GIPC1: variants seen among roughly 807,000 people sequenced by gnomAD.
GIPC1 encodes PDZ domain-containing protein GIPC1.
Under a neutral mutation model 28.5 loss-of-function variants are expected in GIPC1, and 15 were observed. The ratio of observed to expected loss-of-function variants is 0.53; its 90% CI spans 0.35 to 0.81. GIPC1 has a LOEUF of 0.81. Ranked by LOEUF, GIPC1 falls within the 30% of genes least tolerant of loss-of-function variation. The probability of loss-of-function intolerance (pLI) is 0.01; values close to 1 mark genes in which losing one functional copy is unlikely to be tolerated. For synonymous variants in GIPC1, 224 were observed against 206.1 expected (o/e 1.09, Z -0.74); for missense variants, 439 against 481.9 (o/e 0.91, Z 0.83).
intron 3 of GIPC1, 107 bp from the exon 4 acceptor site, chr19:14,483,113 C>T (rs553420435): frequency 2.4e-4 from 176 of 735,954 alleles, no homozygotes; most frequent in South Asian, 3.9e-4. Flanking sequence ...AACAAATTGG[C>T]CTCGGTTGAA....
Position 14,480,501 on chromosome 19 carries a change from G to A in GIPC1, c.475-16C>T, listed in dbSNP as rs752260908. On this transcript the variant is annotated splice_polypyrimidine_tract_variant and intron_variant, in intron 5 of 8. Transcript: ENST00000393033. ...CCTTGATGCGCTGCGGGGGCGGGGA[G>A]TCATCAGCCCTTGGGGCTCTGCCCT... 1.2e-6 allele frequency: 2 copies of A among 1,607,438 alleles called. No individual in the cohort carries two copies.
chr19:14,490,974 CAA>C (rs111731833), intron 3 of GIPC1, among the ~76,000 whole-genome samples: 6 of 113,058 alleles, frequency 5.3e-5, no homozygotes, highest in Admixed American at 9.6e-5. Flanking sequence ...GACTCCATCT[CAA>C]AAAAAAAAAA....
intron 1 of GIPC1, among the ~76,000 whole-genome samples, chr19:14,494,572 ATTTTG>A (rs1363686518): frequency 3.3e-5 from 5 of 152,076 alleles, no homozygotes; most frequent in Non-Finnish European, 7.4e-5. Context: ...AAAAGTAGGG[ATTTTG>A]TTTTGTTCAC....
Position 14,478,867 on chromosome 19 carries a change from G to T in GIPC1, c.769-102C>A. The stretch of plus-strand genomic sequence containing the variant: ...ACCACTTTACATATATTCGTATTTA[G>T]ACCTCAGGACAACCCTGAGAAGGTG... On this transcript the variant is annotated intron_variant, in intron 7 of 8. Coordinates refer to ENST00000393033, the MANE Select transcript of GIPC1 (RefSeq NM_005716.4). The surrounding 1 kb of genome is among the most constrained non-coding windows in gnomAD (Gnocchi z 5.2). 1 of 882,578 alleles carries T rather than the reference G, an allele frequency of 1.1e-6. No individual in the cohort carries two copies. The highest frequency in any genetic ancestry group is 1.9e-6 in the Non-Finnish European group (1 of 525,462). 54.7% of individuals were successfully genotyped at this position (882,578 alleles called of 1,614,324 possible).
intron 3 of GIPC1, among the ~76,000 whole-genome samples, chr19:14,490,683 G>GA (rs981484506): frequency 6.9e-6 from 1 of 144,188 alleles, no homozygotes; most frequent in Non-Finnish European, 1.5e-5. Flanking sequence ...GTCTCAAAAA[G>GA]AAAAAAAAGG....
In GIPC1 at chr19:14,496,032, C is replaced by G. The variant is rs1322013035; in HGVS notation, c.-175+5G>C. 1.3e-5 allele frequency: 3 copies of G among 225,840 alleles called. No individual in the cohort carries two copies. The highest frequency in any genetic ancestry group is 9.0e-5 in the African/African-American group (3 of 33,350). The allele number at this position is 225,840 out of a possible 1,614,324, so 14.0% of individuals were successfully genotyped here. On this transcript the variant is annotated splice_donor_5th_base_variant and intron_variant, in intron 1 of 8. Transcript: ENST00000393033. ...AGACACATCCTTCTCGCAGAGGCCACTCACCTGCTCCGCCGCCGCCGCCGC... is the reference window on the plus strand; with the variant it reads ...AGACACATCCTTCTCGCAGAGGCCAGTCACCTGCTCCGCCGCCGCCGCCGC...
chr19:14,486,072 G>C (rs2071837824), intron 3 of GIPC1, among the ~76,000 whole-genome samples: 1 of 152,048 alleles, frequency 6.6e-6, no homozygotes, highest in South Asian at 2.1e-4. Flanking sequence ...GCCTGGCAAG[G>C]AGGTGATCTT....
intron 3 of GIPC1, among the ~76,000 whole-genome samples, chr19:14,488,764 C>T (rs2146485015): frequency 6.7e-6 from 1 of 148,420 alleles, no homozygotes; most frequent in Middle Eastern, 3.5e-3. Flanking sequence ...CAGAGCGAGA[C>T]TCGGTCTAAA....
At chr19:14,480,532 C>T (rs774384356) in intron 5 of GIPC1, 47 bp from the exon 6 acceptor site, 2 of 1,604,496 alleles carry the variant, frequency 1.2e-6, no homozygotes, top group Non-Finnish European at 1.7e-6. Flanking sequence ...GCCCTGGTTT[C>T]CGGGGTCCCA....
chr19:14,489,240 G>A (rs1268564975), intron 3 of GIPC1: 1 of 623,412 alleles, frequency 1.6e-6, no homozygotes, highest in African/African-American at 1.8e-5. Context: ...GTTTGGATAA[G>A]GTTTGCCCCA....
chr19:14,483,361 CA>C, intron 3 of GIPC1: 1 of 191,386 alleles, frequency 5.2e-6, no homozygotes, highest in Non-Finnish European at 1.1e-5. Flanking sequence ...GAGGCTGAGG[CA>C]CAAGAATAGC....
At chr19:14,489,998 T>G (rs1343131105) in intron 3 of GIPC1, among the ~76,000 whole-genome samples, 3 of 152,032 alleles carry the variant, frequency 2.0e-5, no homozygotes, top group African/African-American at 7.3e-5. Context: ...GGGCCAGATC[T>G]CTCCTGAATG....
intron 7 of GIPC1, 87 bp downstream of exon 7, chr19:14,479,325 C>A (rs1439185489): frequency 5.4e-6 from 3 of 551,208 alleles, no homozygotes; most frequent in Non-Finnish European, 8.7e-6. Context: ...GCACTCCAGC[C>A]TGGGTGACAA....
chr19:14,485,700 TATAGAGAGAGAGAGAG>T (rs1333535070), intron 3 of GIPC1, among the ~76,000 whole-genome samples: 959 of 68,820 alleles, frequency 0.014, 10 homozygotes, highest in African/African-American at 0.018. Context: ...TATATATATA[TATAGAGAGAGAGAGAG>T]AGAGAGAGAG....
At chr19:14,484,758 C>CAA (rs1276045512) in intron 3 of GIPC1, among the ~76,000 whole-genome samples, 4 of 151,572 alleles carry the variant, frequency 2.6e-5, no homozygotes, top group African/African-American at 9.7e-5. Flanking sequence ...AAACAAAAAA[C>CAA]AAAAAACAAA....
In GIPC1 at chr19:14,496,074, GCTGCCT is replaced by G. The variant is rs1367422954; in HGVS notation, c.-218_-213del. On this transcript the variant is annotated 5_prime_UTR_variant, in exon 1 of 9. Coordinates refer to ENST00000393033, the MANE Select transcript of GIPC1 (RefSeq NM_005716.4). ...CGCCGCCGCCGCCGCCGCCGCCGCC[GCTGCCT>G]CCGCCTCCCCGTGCGCACCCGGCTC... The G allele has an allele frequency of 2.5e-4, 60 of 240,552 alleles. No homozygotes were observed. Among genetic ancestry groups the G allele is most frequent in the African/African-American group, 1.5e-3 (56 of 38,312 alleles). 14.9% of individuals were successfully genotyped at this position (240,552 alleles called of 1,614,324 possible).
intron 3 of GIPC1, among the ~76,000 whole-genome samples, chr19:14,486,476 G>A (rs184609219): frequency 2.0e-5 from 3 of 152,066 alleles, no homozygotes; most frequent in Admixed American, 2.0e-4. Context: ...TTAAGTGCTG[G>A]AGCCTCCAGA....
chr19:14,489,008 C>A (rs568342592), intron 3 of GIPC1, among the ~76,000 whole-genome samples: 8 of 151,972 alleles, frequency 5.3e-5, no homozygotes, highest in African/African-American at 1.4e-4. Flanking sequence ...TCACTACAGC[C>A]TCAAATTCCT....
At chr19:14,480,834 A>C in intron 4 of GIPC1, 56 bp from the exon 5 acceptor site, 1 of 1,249,774 alleles carries the variant, frequency 8.0e-7, no homozygotes, top group Non-Finnish European at 1.2e-6. Flanking sequence ...TTTTCTAATC[A>C]CCACTGGAGG....
Sources: allele counts gnomAD v4.1 joint callset (sites outside exome capture counted in the v4.1 genomes callset), GRCh38; gene constraint gnomAD v4.1.1; non-coding constraint Gnocchi (gnomAD v3.1); transcripts MANE v1.5; gene names NCBI Gene and HGNC (gene_info 2026-07-23, HGNC 2026-07-21).